Variants in ANKRD28 observed in about 807,000 individuals in gnomAD.
The protein encoded by ANKRD28 is serine/threonine-protein phosphatase 6 regulatory ankyrin repeat subunit A.
A neutral mutation model predicts 126.5 loss-of-function variants in ANKRD28; 44 were observed. The observed-to-expected ratio is 0.35, with a 90% CI of 0.27 to 0.45. The LOEUF (loss-of-function observed/expected upper bound fraction) is 0.45, where lower values mean the gene tolerates loss of function less well. Among genes scored for constraint, ANKRD28 ranks in the 20% least tolerant of loss-of-function variants. ANKRD28 has a pLI of 1.00. For missense variants in ANKRD28, 1,110 were observed against 1,316.6 expected (o/e 0.84, Z 2.43); for synonymous variants, 442 against 468.5 (o/e 0.94, Z 0.73).
chr3:15,746,637 GC>G (rs2057495186), intron 4 of ANKRD28, among the ~76,000 whole-genome samples: 1 of 152,128 alleles, frequency 6.6e-6, no homozygotes, highest in Non-Finnish European at 1.5e-5. Context: ...GAGGACTTAT[GC>G]ATCTATGCTC....
At chr3:15,723,140 T>G (rs1407693419) in intron 7 of ANKRD28, among the ~76,000 whole-genome samples, 5 of 152,162 alleles carry the variant, frequency 3.3e-5, no homozygotes, top group African/African-American at 1.2e-4. Context: ...AGATCAAGGG[T>G]CTTTTAAGAT....
rs79493693 is a variant in ANKRD28 at position 15,739,558 on chromosome 3, A to G, written c.352-2325T>C. On this transcript the variant is annotated intron_variant, in intron 4 of 27. Transcript: ENST00000683139. Reference sequence around the variant, plus strand: ...TCAAGTCCTATAAAACTAACCCTAAATGTTCTTATCTGTAAAGGAGATGGG... The same window carrying G: ...TCAAGTCCTATAAAACTAACCCTAAGTGTTCTTATCTGTAAAGGAGATGGG... Among the ~76,000 whole-genome samples the G allele has an allele frequency of 4.8e-3, 727 of 152,280 alleles. 3 individuals are homozygous for G. Among genetic ancestry groups the G allele is most frequent in the Non-Finnish European group, 8.0e-3 (544 of 68,032 alleles).
Position 15,796,808 on chromosome 3 carries a change from A to C in ANKRD28, c.-287T>G, listed in dbSNP as rs115428341. The C allele has an allele frequency of 3.9e-3, 3,890 of 988,690 alleles. 17 individuals carry two copies. The highest frequency in any genetic ancestry group is 4.2e-3 in the Non-Finnish European group (3,513 of 831,748). The allele number at this position is 988,690 out of a possible 1,614,324, so 61.2% of individuals were successfully genotyped here. ...ACCAACATGTCAATAACTAAAACTG[A>C]GTCCAAGCTCATTTAAAAATATTTT... is the stretch of plus-strand genomic sequence containing the variant. On this transcript the variant is annotated 5_prime_UTR_variant, in exon 1 of 28. Coordinates refer to ENST00000683139, the MANE Select transcript of ANKRD28 (RefSeq NM_001349278.2).
rs889655620 is a variant in ANKRD28 at position 15,720,934 on chromosome 3, C to T, written c.977G>A (p.Gly326Glu). 1 of 1,613,492 alleles carries T rather than the reference C, an allele frequency of 6.2e-7. No homozygotes were observed. The highest frequency in any genetic ancestry group is 8.5e-7 in the Non-Finnish European group (1 of 1,179,666). ...CCTTACCTTCATATTGACATCGGCC[C>T]CATTGCCAACTAGAAGCTCTAAACA... ...ALCLELLVGN[G>E]ADVNMKSKDG... Residue 326 changes from glycine to glutamate, a missense_variant, in exon 8 of 28, where the codon GGG (glycine) becomes GAG (glutamate). Gly to Glu is a moderately conservative substitution (Grantham distance 98, BLOSUM62 -2). Coordinates refer to ENST00000683139, the MANE Select transcript of ANKRD28 (RefSeq NM_001349278.2).
intron 1 of ANKRD28, among the ~76,000 whole-genome samples, chr3:15,810,565 A>G (rs1042167049): frequency 2.6e-5 from 4 of 152,154 alleles, no homozygotes; most frequent in African/African-American, 9.7e-5. Context: ...AAAAAATATT[A>G]TATGGAATAC....
At chr3:15,809,348 G>A (rs936189105) in intron 1 of ANKRD28, among the ~76,000 whole-genome samples, 1 of 152,146 alleles carries the variant, frequency 6.6e-6, no homozygotes, top group Admixed American at 6.5e-5. Flanking sequence ...CCTTGTAACA[G>A]ACACAGGTAC....
intron 2 of ANKRD28, among the ~76,000 whole-genome samples, chr3:15,779,163 C>A (rs2059432336): frequency 6.6e-6 from 1 of 152,030 alleles, no homozygotes; most frequent in African/African-American, 2.4e-5. Flanking sequence ...ATACAGGGGA[C>A]CATCTTAAAA....
intron 2 of ANKRD28, among the ~76,000 whole-genome samples, chr3:15,779,349 A>G (rs568069647): frequency 5.3e-5 from 8 of 152,318 alleles, no homozygotes; most frequent in African/African-American, 1.7e-4. Flanking sequence ...GGCACATATT[A>G]CTAGACAAGT....
chr3:15,724,331 G>A, intron 7 of ANKRD28, 51 bp downstream of exon 7: 1 of 1,417,370 alleles, frequency 7.1e-7, no homozygotes, highest in Non-Finnish European at 9.6e-7. Flanking sequence ...TAATGTAATA[G>A]TAAGTATAAA....
At position 15,796,810 on chromosome 3, in the gene ANKRD28, T is replaced by A. The variant is rs759040267; in HGVS notation, c.-289A>T. 35 of 988,024 alleles carry A rather than the reference T, an allele frequency of 3.5e-5. No individual in the cohort carries two copies. Among genetic ancestry groups the A allele is most frequent in the Non-Finnish European group, 4.2e-5 (35 of 831,552 alleles). The allele number at this position is 988,024 out of a possible 1,614,324, so 61.2% of individuals were successfully genotyped here. On this transcript the variant is annotated 5_prime_UTR_variant, in exon 1 of 28. Transcript: ENST00000683139. ...CAACATGTCAATAACTAAAACTGAGTCCAAGCTCATTTAAAAATATTTTTC... is the reference window on the plus strand; with the variant it reads ...CAACATGTCAATAACTAAAACTGAGACCAAGCTCATTTAAAAATATTTTTC...
chr3:15,714,502 T>C, intron 9 of ANKRD28, 76 bp downstream of exon 9: 1 of 1,042,888 alleles, frequency 9.6e-7, no homozygotes, highest in Non-Finnish European at 1.4e-6. Flanking sequence ...TCAATACCAT[T>C]CATTTGGTGG....
chr3:15,726,372 C>T (rs1369052564), intron 6 of ANKRD28, among the ~76,000 whole-genome samples: 1 of 152,194 alleles, frequency 6.6e-6, no homozygotes, highest in East Asian at 1.9e-4. Context: ...AGTGAATGGA[C>T]TAATGATAAG....
chr3:15,754,190 A>G (rs1295072439), intron 3 of ANKRD28, among the ~76,000 whole-genome samples: 1 of 152,210 alleles, frequency 6.6e-6, no homozygotes, highest in Admixed American at 6.5e-5. Context: ...AATAATTCAT[A>G]AATTTTAAAT....
At chr3:15,691,366 G>A (rs2470545) in intron 17 of ANKRD28, among the ~76,000 whole-genome samples, 80,375 of 151,734 alleles carry the variant, frequency 0.53, 22,170 homozygotes, top group Admixed American at 0.61. Flanking sequence ...CTTGTGATCC[G>A]CCCGCCTCGG....
chr3:15,746,955 T>C (rs2057517068), intron 4 of ANKRD28, among the ~76,000 whole-genome samples: 1 of 152,208 alleles, frequency 6.6e-6, no homozygotes, highest in Non-Finnish European at 1.5e-5. Flanking sequence ...AGTTTATCCA[T>C]CTCCTCTAGG....
intron 4 of ANKRD28, among the ~76,000 whole-genome samples, chr3:15,742,256 G>A (rs1298430655): frequency 4.0e-5 from 6 of 150,642 alleles, no homozygotes; most frequent in Admixed American, 3.3e-4. Context: ...AGTGAGGAGC[G>A]TCTCTGCCCG....
At chr3:15,702,978 T>C (rs1310665324) in intron 14 of ANKRD28, among the ~76,000 whole-genome samples, 2 of 152,330 alleles carry the variant, frequency 1.3e-5, no homozygotes, top group African/African-American at 4.8e-5. Context: ...AGTATCTCCA[T>C]TTCACAGATT....
intron 4 of ANKRD28, among the ~76,000 whole-genome samples, chr3:15,742,971 G>A (rs909996150): frequency 1.3e-5 from 2 of 151,828 alleles, no homozygotes; most frequent in African/African-American, 2.4e-5. Flanking sequence ...AAATCGGATG[G>A]TTGCCATGTC....
chr3:15,824,215 C>G (rs1011885228), intron 1 of ANKRD28, among the ~76,000 whole-genome samples: 1 of 152,206 alleles, frequency 6.6e-6, no homozygotes, highest in Non-Finnish European at 1.5e-5. Flanking sequence ...GTCATGCAGG[C>G]GCCATCTCAG....
Sources: allele counts gnomAD v4.1 joint callset (sites outside exome capture counted in the v4.1 genomes callset), GRCh38; gene constraint gnomAD v4.1.1; transcripts MANE v1.5; gene names NCBI Gene and HGNC (gene_info 2026-07-23, HGNC 2026-07-21).